The following TIMELESS variants were observed in gnomAD, a reference collection of about 807,000 sequenced individuals.
The protein encoded by TIMELESS is timeless circadian regulator, also known as protein timeless homolog.
A neutral mutation model predicts 164.3 loss-of-function variants in TIMELESS; 124 were observed. The observed-to-expected ratio is 0.75, with a 90% CI of 0.65 to 0.88. TIMELESS has a LOEUF of 0.88. Ranked by LOEUF, TIMELESS falls within the 40% of genes least tolerant of loss-of-function variation. TIMELESS has a pLI of 0.00. For missense variants in TIMELESS, 1,422 were observed against 1,491.4 expected (o/e 0.95, Z 0.77); for synonymous variants, 564 against 563.4 (o/e 1.00, Z -0.02).
At chr12:56,420,335 T>C (rs181152094) in intron 26 of TIMELESS, among the ~76,000 whole-genome samples, 31 of 151,946 alleles carry the variant, frequency 2.0e-4, no homozygotes, top group Admixed American at 4.6e-4. Flanking sequence ...TTTAAAAAGA[T>C]AAATCTGGAG....
At position 56,434,162 on chromosome 12, in the gene TIMELESS, C is replaced by T. The variant is rs1279027796; in HGVS notation, c.9G>A (p.Leu3=). ...CTAGAAGTTCACAGTTCATCATGTG[C>T]AAGTCCATACATCAGTGGACCAACC... MD[L]HMMNCELLAT... is the part of the protein sequence containing the mutation. Residue 3 remains leucine, a synonymous_variant, in exon 2 of 29, where the codon TTG becomes TTA. Coordinates refer to ENST00000553532, the MANE Select transcript of TIMELESS (RefSeq NM_003920.5). 1 of 1,614,024 alleles carries T rather than the reference C, an allele frequency of 6.2e-7. No homozygotes were observed.
At position 56,417,497 on chromosome 12, in the gene TIMELESS, G is replaced by A. The variant is rs940793761; in HGVS notation, c.*219C>T. The A allele has an allele frequency of 7.2e-6, 4 of 552,272 alleles. No individual in the cohort carries two copies. Among genetic ancestry groups the A allele is most frequent in the Non-Finnish European group, 1.3e-5 (4 of 309,238 alleles). 34.2% of individuals were successfully genotyped at this position (552,272 alleles called of 1,614,324 possible). A position where few individuals can be genotyped will look rare whatever the true frequency, so the allele number is the denominator to read the frequency against. Reference sequence around the variant, plus strand: ...AAGAGAACTAAATCTCCAGAGAGCTGCTGGGGCATACCGATAAAAACTGGG... The same window carrying A: ...AAGAGAACTAAATCTCCAGAGAGCTACTGGGGCATACCGATAAAAACTGGG... On this transcript the variant is annotated 3_prime_UTR_variant, in exon 29 of 29. Coordinates refer to ENST00000553532, the MANE Select transcript of TIMELESS (RefSeq NM_003920.5).
At chr12:56,421,701 G>A in intron 22 of TIMELESS, 26 bp downstream of exon 22, 1 of 1,612,148 alleles carries the variant, frequency 6.2e-7, no homozygotes, top group Non-Finnish European at 8.5e-7. Flanking sequence ...CATCTCAAAG[G>A]TCCCCTGAGT....
At chr12:56,431,224 T>C (rs919399150) in intron 8 of TIMELESS, among the ~76,000 whole-genome samples, 14 of 151,960 alleles carry the variant, frequency 9.2e-5, no homozygotes, top group Middle Eastern at 3.4e-3. Context: ...CATGGTGGCA[T>C]GCGCCTGTAG....
rs1592246837 is a variant in TIMELESS at position 56,425,297 on chromosome 12, A to T, written c.1579-145T>A. On this transcript the variant is annotated intron_variant, in intron 13 of 28. Coordinates refer to ENST00000553532, the MANE Select transcript of TIMELESS (RefSeq NM_003920.5). ...CCATCGGTAATAGAAAGCAATAGTG[A>T]ACAGCATATTTCCTTCCCTTTGAGG... 4.8e-6 allele frequency: 5 copies of T among 1,044,182 alleles called. No individual in the cohort carries two copies. The East Asian group carries it at 1.3e-4, about 27-fold the overall frequency. The allele number at this position is 1,044,182 out of a possible 1,614,324, so 64.7% of individuals were successfully genotyped here. A position where few individuals can be genotyped will look rare whatever the true frequency, so the allele number is the denominator to read the frequency against.
chr12:56,428,171 A>G, intron 13 of TIMELESS, 65 bp downstream of exon 13: 1 of 1,465,076 alleles, frequency 6.8e-7, no homozygotes, highest in Non-Finnish European at 9.2e-7. Context: ...AACTGTGAGA[A>G]GAAAGAGCCC....
chr12:56,421,380 G>T lies in TIMELESS; in HGVS notation c.2839C>A (p.Arg947=). 6.2e-7 allele frequency: 1 copy of T among 1,613,764 alleles called. No individual in the cohort carries two copies. Among genetic ancestry groups the T allele is most frequent in the Non-Finnish European group, 8.5e-7 (1 of 1,179,890 alleles). Residue 947 remains arginine (R), a synonymous_variant, in exon 23 of 29, where the codon CGG becomes AGG. Transcript: ENST00000553532. The part of the protein sequence containing the change: ...VAERRELYKK[R]QKKLASSILP... ...ATGGAGGATGCCAACTTTTTCTGCC[G>T]TTTCTTGTACAGCTCCCGCCGCTCA...
intron 26 of TIMELESS, 26 bp from the exon 27 acceptor site, chr12:56,418,385 G>C: frequency 1.9e-6 from 3 of 1,540,132 alleles, no homozygotes; most frequent in Non-Finnish European, 1.8e-6. Context: ...AGTTGAAAAG[G>C]GAAAGGACCA....
At chr12:56,432,325 A>C in intron 7 of TIMELESS, 44 bp downstream of exon 7, 1 of 1,574,666 alleles carries the variant, frequency 6.4e-7, no homozygotes, top group South Asian at 1.1e-5. Flanking sequence ...ACAGCAGAAA[A>C]GTACATGGGC....
rs1565680554 is a variant in TIMELESS, at chr12:56,423,431, C to T, written c.2135G>A (p.Arg712Lys). The T allele has an allele frequency of 6.2e-7, 1 of 1,614,102 alleles. No homozygotes were observed. Among genetic ancestry groups the T allele is most frequent in the East Asian group, 2.2e-5 (1 of 44,884 alleles). The change falls in exon 18 of 29, where the codon AGG becomes AAG. Residue 712 changes from arginine to lysine, a missense_variant. Arg to Lys is a conservative substitution (Grantham distance 26). Transcript: ENST00000553532. ...TVVRAYVLLL[R>K]SYQQNSAHTN... is the part of the protein sequence containing the mutation. The stretch of plus-strand genomic sequence containing the variant: ...GTGGGCACTATTCTGCTGGTAGCTC[C>T]TTAGTAGCAGCACATAGGCTCGAAC...
intron 1 of TIMELESS, among the ~76,000 whole-genome samples, chr12:56,446,927 T>C (rs2136158214): frequency 6.6e-6 from 1 of 152,236 alleles, no homozygotes; most frequent in East Asian, 1.9e-4. Context: ...ACATGGTACT[T>C]ACAATTCATG....
rs1881744265 is a variant in TIMELESS, at chr12:56,428,336, C to T, written c.1478G>A (p.Cys493Tyr). 1 of 1,613,452 alleles carries T rather than the reference C, an allele frequency of 6.2e-7. No homozygotes were observed. The highest frequency in any genetic ancestry group is 8.5e-7 in the Non-Finnish European group (1 of 1,179,610). Residue 493 changes from cysteine to tyrosine, a missense_variant, in exon 13 of 29, where the codon TGC becomes TAC. Transcript: ENST00000553532. The part of the protein sequence containing the change: ...LALFRKFDER[C>Y]QPRSFLRDLV... ...GTCACGAAGGAAAGAGCGGGGCTGG[C>T]ATCTCTCATCAAACTTTCGAAAAAG... is the stretch of plus-strand genomic sequence containing the variant.
Position 56,421,454 on chromosome 12 carries a change from C to T in TIMELESS, c.2765G>A (p.Arg922His), listed in dbSNP as rs72478999. ...TTTATCCACTATTCGGGCCCGTGAG[C>T]GTTTGGCTGTGATATTCTTCATGAT... is the stretch of plus-strand genomic sequence containing the variant. Reference protein sequence around the residue: ...GHIMKNITAKRSRARIVDKLL... With the variant: ...GHIMKNITAKHSRARIVDKLL... The change falls in exon 23 of 29, where the codon CGC becomes CAC. Residue 922 changes from arginine (R) to histidine (H), a missense_variant. Coordinates refer to ENST00000553532, the MANE Select transcript of TIMELESS (RefSeq NM_003920.5). 1.8e-4 allele frequency: 284 copies of T among 1,613,984 alleles called. No individual in the cohort carries two copies. The highest frequency in any genetic ancestry group is 2.2e-4 in the Non-Finnish European group (263 of 1,179,970).
intron 7 of TIMELESS, 39 bp downstream of exon 7, chr12:56,432,330 A>C (rs1206181118): frequency 1.3e-6 from 2 of 1,586,432 alleles, no homozygotes; most frequent in Non-Finnish European, 1.7e-6. Context: ...AGAAAAGTAC[A>C]TGGGCGGAGG....
rs549458108 is a variant in TIMELESS at position 56,416,784 on chromosome 12, C to T, written c.*932G>A. 5 of 151,182 alleles carry T rather than the reference C, an allele frequency of 3.3e-5. No homozygotes were observed. Among genetic ancestry groups the T allele is most frequent in the Non-Finnish European group, 4.4e-5 (3 of 67,954 alleles). The allele number at this position is 151,182 out of a possible 1,614,324, so 9.4% of individuals were successfully genotyped here. A position where few individuals can be genotyped will look rare whatever the true frequency, so the allele number is the denominator to read the frequency against. ...TCTGTCGCCCAGGCATATGCACTGG[C>T]GTGACCTTAGCTCACTGCAACCTCT... On this transcript the variant is annotated 3_prime_UTR_variant, in exon 29 of 29. Coordinates refer to ENST00000553532, the MANE Select transcript of TIMELESS (RefSeq NM_003920.5).
At chr12:56,447,234 C>T (rs1313059522) in intron 1 of TIMELESS, among the ~76,000 whole-genome samples, 2 of 139,884 alleles carry the variant, frequency 1.4e-5, no homozygotes, top group African/African-American at 5.3e-5. Context: ...TTCTTATTCA[C>T]CCTTGAACTT....
At chr12:56,430,991 G>A in intron 8 of TIMELESS, 23 bp from the exon 9 acceptor site, 3 of 1,512,844 alleles carry the variant, frequency 2.0e-6, no homozygotes, top group South Asian at 1.2e-5. Flanking sequence ...AAAGGTCCAA[G>A]GTGATTTTTC....
At position 56,424,871 on chromosome 12, in the gene TIMELESS, C is replaced by T. The variant is rs777566734; in HGVS notation, c.1759G>A (p.Ala587Thr). 3.7e-6 allele frequency: 6 copies of T among 1,614,246 alleles called. No individual in the cohort carries two copies. The highest frequency in any genetic ancestry group is 5.1e-6 in the Non-Finnish European group (6 of 1,180,054). ...TGCTCCTCCACTGGCACCTCTGAGG[C>T]CGCATCAAAGGGAACCACGGAGTCC... ...SMDSVVPFDA[A>T]SEVPVEEQRA... Residue 587 changes from alanine to threonine, a missense_variant, in exon 15 of 29, where the codon GCC becomes ACC. Ala to Thr is a moderately conservative substitution (Grantham distance 58). Transcript: ENST00000553532.
At chr12:56,429,612 C>G (rs1881802761) in intron 10 of TIMELESS, among the ~76,000 whole-genome samples, 1 of 148,226 alleles carries the variant, frequency 6.7e-6, no homozygotes, top group Non-Finnish European at 1.5e-5. Context: ...AGTGATTATC[C>G]TGCCTCAGGC....
Sources: allele counts gnomAD v4.1 joint callset (sites outside exome capture counted in the v4.1 genomes callset), GRCh38; gene constraint gnomAD v4.1.1; transcripts MANE v1.5; gene names NCBI Gene and HGNC (gene_info 2026-07-23, HGNC 2026-07-21).